The following WDR37 variants were observed in gnomAD, a reference collection of about 807,000 sequenced individuals.
WDR37 encodes the protein WD repeat domain 37, also known as WD repeat-containing protein 37.
Under a neutral mutation model 62.9 loss-of-function variants are expected in WDR37, and 19 were observed. The ratio of observed to expected loss-of-function variants is 0.30; its 90% CI spans 0.21 to 0.44. The LOEUF (loss-of-function observed/expected upper bound fraction) is 0.44. Among genes scored for constraint, WDR37 ranks in the 20% least tolerant of loss-of-function variants. The pLI is 1.00. For missense variants in WDR37, 474 were observed against 657.6 expected (o/e 0.72, Z 3.05); for synonymous variants, 250 against 260.9 (o/e 0.96, Z 0.40).
chr10:1,083,233 T>A (rs1482534184), intron 5 of WDR37, among the ~76,000 whole-genome samples: 4 of 152,218 alleles, frequency 2.6e-5, no homozygotes, highest in African/African-American at 9.7e-5. Flanking sequence ...GAAAAGAGGA[T>A]AATGATGGGT....
Position 1,105,237 on chromosome 10 carries a change from A to G in WDR37, c.1073A>G (p.His358Arg), listed in dbSNP as rs778883388. 2 of 1,613,780 alleles carry G rather than the reference A, an allele frequency of 1.2e-6. No individual in the cohort carries two copies. Among genetic ancestry groups the G allele is most frequent in the East Asian group, 2.2e-5 (1 of 44,856 alleles). ...TGGGATTTCAGGGACCCCTCCATCC[A>G]CTCGGTGAATGTTTTCCAGGGACAC... ...RLWDFRDPSI[H>R]SVNVFQGHTD... Residue 358 changes from histidine to arginine, a missense_variant, in exon 11 of 14, where the codon CAC becomes CGC. His to Arg is a conservative substitution (Grantham distance 29). Coordinates refer to ENST00000263150, the MANE Select transcript of WDR37 (RefSeq NM_014023.4). This position sits in a 1 kb window ranked among gnomAD's most constrained non-coding sequence, Gnocchi z 5.3.
At chr10:1,075,784 C>CTTTTTTTTTTT (rs11387795) in intron 2 of WDR37, among the ~76,000 whole-genome samples, 5 of 140,950 alleles carry the variant, frequency 3.5e-5, no homozygotes, top group Admixed American at 7.1e-5. Flanking sequence ...ATTGGAACTT[C>CTTTTTTTTTTT]TTTTTTTTTT....
At chr10:1,095,204 A>G (rs1452070638) in intron 8 of WDR37, among the ~76,000 whole-genome samples, 1 of 132,150 alleles carries the variant, frequency 7.6e-6, no homozygotes, top group African/African-American at 3.0e-5. Context: ...TGAGGTGACG[A>G]GCATGGAGAG....
chr10:1,105,332 A>T lies in WDR37; in HGVS notation c.1103+65A>T. On this transcript the variant is annotated intron_variant, in intron 11 of 13. Coordinates refer to ENST00000263150, the MANE Select transcript of WDR37 (RefSeq NM_014023.4). The surrounding 1 kb of genome is among the most constrained non-coding windows in gnomAD (Gnocchi z 5.3). ...AAAAGTTCTGTGGGTTGACATGAAA[A>T]CTTAATTCTAGCCTTAATTTTCAGT... 6.5e-7 allele frequency: 1 copy of T among 1,540,630 alleles called. No homozygotes were observed. Among genetic ancestry groups the T allele is most frequent in the South Asian group, 1.2e-5 (1 of 84,840 alleles).
rs1491098746 is a variant in WDR37 at position 1,069,390 on chromosome 10, T to TATATATATATATATATATATATA, written c.-40-2726_-40-2725insATATATATATATATATATATATA. 1.3e-4 allele frequency among the ~76,000 whole-genome samples: 6 copies of TATATATATATATATATATATATA among 47,082 alleles called. 1 individual carries two copies. The highest frequency in any genetic ancestry group is 1.0e-3 in the South Asian group (1 of 986). The allele number at this position is 47,082 out of a possible 152,430, so 30.9% of individuals were successfully genotyped here. A position where few individuals can be genotyped will look rare whatever the true frequency, so the allele number is the denominator to read the frequency against. ...GAAAGAATATATATATATATATATA[T>TATATATATATATATATATATATA]TTTTTTTTTTTTTTTTTGCAGCAGG... On this transcript the variant is annotated intron_variant, in intron 1 of 13. Coordinates refer to ENST00000263150, the MANE Select transcript of WDR37 (RefSeq NM_014023.4).
At chr10:1,126,691 A>G (rs908001376) in intron 13 of WDR37, among the ~76,000 whole-genome samples, 1 of 152,184 alleles carries the variant, frequency 6.6e-6, no homozygotes, top group Non-Finnish European at 1.5e-5. Context: ...ACGGGGTGTG[A>G]GCCTCAGAAC....
chr10:1,098,516 T>G (rs1003223320), intron 9 of WDR37, among the ~76,000 whole-genome samples: 4 of 152,094 alleles, frequency 2.6e-5, no homozygotes, highest in Non-Finnish European at 4.4e-5. Context: ...TTAGTAGAGA[T>G]GGGGTTTCAC....
At chr10:1,106,148 C>T (rs1363866685) in intron 11 of WDR37, among the ~76,000 whole-genome samples, 1 of 152,168 alleles carries the variant, frequency 6.6e-6, no homozygotes, top group African/African-American at 2.4e-5. Flanking sequence ...CAGTCTGGCC[C>T]TGCTCAGTCA....
chr10:1,098,318 A>G (rs1057430630), intron 9 of WDR37, among the ~76,000 whole-genome samples: 1 of 140,166 alleles, frequency 7.1e-6, no homozygotes, highest in African/African-American at 2.7e-5. Flanking sequence ...CCCCCTCCCC[A>G]TCTGTCCGTT....
chr10:1,126,119 T>C (rs544164145), intron 13 of WDR37, among the ~76,000 whole-genome samples: 4 of 152,058 alleles, frequency 2.6e-5, no homozygotes, highest in Non-Finnish European at 5.9e-5. Flanking sequence ...CTCCCCGGGG[T>C]CAGTGGCTGG....
intron 1 of WDR37, among the ~76,000 whole-genome samples, chr10:1,061,953 G>A (rs1292898944): frequency 6.6e-6 from 1 of 151,914 alleles, no homozygotes; most frequent in Admixed American, 6.6e-5. Flanking sequence ...TGTATATGCG[G>A]ATATTCCAAA....
At chr10:1,128,803 G>GTGCTCGGCGGTCCA (rs968555901) in intron 13 of WDR37, among the ~76,000 whole-genome samples, 14 of 151,676 alleles carry the variant, frequency 9.2e-5, no homozygotes, top group East Asian at 7.8e-4. Flanking sequence ...CGGCTCTGCC[G>GTGCTCGGCGGTCCA]TGCTCGGCGG....
In WDR37 at chr10:1,129,486, C is replaced by T. The variant is rs184435191; in HGVS notation, c.*142C>T. 1 of 1,243,308 alleles carries T rather than the reference C, an allele frequency of 8.0e-7. No individual in the cohort carries two copies. The highest frequency in any genetic ancestry group is 2.6e-5 in the Admixed American group (1 of 38,334). 77.0% of individuals were successfully genotyped at this position (1,243,308 alleles called of 1,614,324 possible). A position where few individuals can be genotyped will look rare whatever the true frequency, so the allele number is the denominator to read the frequency against. ...GTATATGTTCTTTTCACATAGTGCC[C>T]AGCTTGCATGAAATGTACAGAGAAA... On this transcript the variant is annotated 3_prime_UTR_variant, in exon 14 of 14. Coordinates refer to ENST00000263150, the MANE Select transcript of WDR37 (RefSeq NM_014023.4).
At chr10:1,127,728 G>GGGGCGC in intron 13 of WDR37, among the ~76,000 whole-genome samples, 1 of 152,092 alleles carries the variant, frequency 6.6e-6, no homozygotes. Flanking sequence ...GGAGGCTCAC[G>GGGGCGC]GAGTGTGAGG....
intron 2 of WDR37, among the ~76,000 whole-genome samples, chr10:1,076,237 G>A (rs181916557): frequency 2.0e-5 from 3 of 151,570 alleles, no homozygotes; most frequent in Admixed American, 6.6e-5. Flanking sequence ...GTGGGTGTGC[G>A]TGTGTGTGTG....
At chr10:1,094,730 G>GA (rs1834511338) in intron 8 of WDR37, among the ~76,000 whole-genome samples, 1 of 152,176 alleles carries the variant, frequency 6.6e-6, no homozygotes, top group South Asian at 2.1e-4. Flanking sequence ...TTGGAAACAT[G>GA]AGGTAATGGA....
At chr10:1,072,547 C>G (rs1408077698) in intron 2 of WDR37, among the ~76,000 whole-genome samples, 1 of 152,220 alleles carries the variant, frequency 6.6e-6, no homozygotes, top group Non-Finnish European at 1.5e-5. Context: ...CTCCTAACCT[C>G]AGGTGATCCA....
chr10:1,090,530 C>G (rs942009770), intron 7 of WDR37, among the ~76,000 whole-genome samples: 5 of 152,162 alleles, frequency 3.3e-5, no homozygotes, highest in Admixed American at 6.5e-5. Flanking sequence ...TGAATCAGTA[C>G]AACTCTACAA....
intron 11 of WDR37, among the ~76,000 whole-genome samples, chr10:1,120,955 G>A (rs948831060): frequency 2.6e-5 from 4 of 152,366 alleles, no homozygotes; most frequent in Non-Finnish European, 5.9e-5. Context: ...TTCCAGACCA[G>A]GCAGTGGTGT....
Sources: gnomAD v4.1 joint callset for allele counts (sites outside exome capture counted in the v4.1 genomes callset) on GRCh38, gnomAD v4.1.1 for gene constraint, Gnocchi (gnomAD v3.1) non-coding constraint, MANE v1.5 for transcripts, NCBI Gene and HGNC (gene_info 2026-07-23, HGNC 2026-07-21) for gene names.